The following MYO9A variants were observed in gnomAD, a reference collection of about 807,000 sequenced individuals.
MYO9A encodes myosin IXA.
A neutral mutation model predicts 293.3 loss-of-function variants in MYO9A; 103 were observed. The observed-to-expected ratio is 0.35, with a 90% confidence interval of 0.30 to 0.41. MYO9A has a LOEUF of 0.41. MYO9A is among the 10% of genes least tolerant of loss of function. The pLI, the probability that MYO9A is intolerant of heterozygous loss-of-function variation, is 1.00. For missense variants in MYO9A, 2,685 were observed against 3,033.0 expected (o/e 0.89, Z 2.69); for synonymous variants, 1,001 against 1,035.7 (o/e 0.97, Z 0.64).
intron 1 of MYO9A, among the ~76,000 whole-genome samples, chr15:72,065,380 T>C (rs1417462392): frequency 6.6e-6 from 1 of 151,850 alleles, no homozygotes; most frequent in Admixed American, 6.6e-5. Flanking sequence ...CCAGGAGTGG[T>C]GGCGCATACC....
At position 71,898,141 on chromosome 15, in the gene MYO9A, A is replaced by G. The variant is rs756992992; in HGVS notation, c.4362T>C (p.Ala1454=). Residue 1454 remains alanine, a synonymous_variant, in exon 25 of 42, where the codon GCT becomes GCC. Coordinates refer to ENST00000356056, the MANE Select transcript of MYO9A (RefSeq NM_006901.4). ...LLENEDTAGE[A]LTLDINRETR... Reference sequence around the variant, plus strand: ...TTTCCCTGTTGATATCCAAAGTAAGAGCTTCCCCCGCTGTGTCTTCATTTT... The same window carrying G: ...TTTCCCTGTTGATATCCAAAGTAAGGGCTTCCCCCGCTGTGTCTTCATTTT... 1 of 1,614,050 alleles carries G rather than the reference A, an allele frequency of 6.2e-7. No individual in the cohort carries two copies. The highest frequency in any genetic ancestry group is 1.1e-5 in the South Asian group (1 of 91,066).
rs573482734 is a variant in MYO9A, at chr15:72,039,029, A to G, written c.841-6441T>C. 8.3e-4 allele frequency among the ~76,000 whole-genome samples: 126 copies of G among 152,252 alleles called. 1 individual carries two copies. The highest frequency in any genetic ancestry group is 3.4e-3 in the Middle Eastern group (1 of 294). Reference sequence around the variant, plus strand: ...GAGTGAAATCCATATTTATCCATATAGTCTATACAGAGGTTAGATAGATAC... The same window carrying G: ...GAGTGAAATCCATATTTATCCATATGGTCTATACAGAGGTTAGATAGATAC... On this transcript the variant is annotated intron_variant, in intron 2 of 41. Transcript: ENST00000356056.
chr15:71,841,799 T>G (rs974374825), intron 39 of MYO9A, among the ~76,000 whole-genome samples: 3 of 138,468 alleles, frequency 2.2e-5, no homozygotes, highest in Non-Finnish European at 3.1e-5. Context: ...CCAGGGGTAG[T>G]TTTTTTTTTT....
At chr15:72,002,966 A>G (rs2076909834) in intron 8 of MYO9A, among the ~76,000 whole-genome samples, 1 of 152,142 alleles carries the variant, frequency 6.6e-6, no homozygotes, top group Non-Finnish European at 1.5e-5. Flanking sequence ...CTAAAGTCCA[A>G]CTCTTTGAAA....
intron 33 of MYO9A, among the ~76,000 whole-genome samples, 180 bp downstream of exon 33, chr15:71,862,320 A>G (rs2141789339): frequency 6.6e-6 from 1 of 152,310 alleles, no homozygotes; most frequent in South Asian, 2.1e-4. Flanking sequence ...CTCAGTGACC[A>G]AATAACATCA....
At chr15:71,868,287 C>A (rs973435100) in intron 32 of MYO9A, among the ~76,000 whole-genome samples, 1 of 152,260 alleles carries the variant, frequency 6.6e-6, no homozygotes, top group East Asian at 1.9e-4. Context: ...TTGCTCAACA[C>A]CCTCCTTTCT....
At chr15:71,884,795 A>C (rs1303107347) in intron 27 of MYO9A, among the ~76,000 whole-genome samples, 1 of 152,082 alleles carries the variant, frequency 6.6e-6, no homozygotes, top group Non-Finnish European at 1.5e-5. Flanking sequence ...ACTAGGTGAC[A>C]GGTACTATGC....
rs1378787023 is a variant in MYO9A at position 71,879,802 on chromosome 15, A to T, written c.5658T>A (p.Asp1886Glu). 6.2e-7 allele frequency: 1 copy of T among 1,613,586 alleles called. No homozygotes were observed. Among genetic ancestry groups the T allele is most frequent in the Non-Finnish European group, 8.5e-7 (1 of 1,179,686 alleles). Reference sequence around the variant, plus strand: ...TTTTAAATACAACATCCACTAGTGTATCCTTCTTGCTGTCTTCATTATCTA... The same window carrying T: ...TTTTAAATACAACATCCACTAGTGTTTCCTTCTTGCTGTCTTCATTATCTA... ...NDLDNEDSKK[D>E]TLVDVVFKKA... is the part of the protein sequence containing the mutation. Residue 1886 changes from aspartate to glutamate, a missense_variant, in exon 30 of 42, where the codon GAT becomes GAA. Transcript: ENST00000356056.
In MYO9A at chr15:71,824,688, A is replaced by AAGGTGGC. The variant is rs2054397554; in HGVS notation, c.*1885_*1891dup. 6.6e-6 allele frequency: 1 copy of AAGGTGGC among 152,220 alleles called. No individual in the cohort carries two copies. The highest frequency in any genetic ancestry group is 1.5e-5 in the Non-Finnish European group (1 of 68,032). The allele number at this position is 152,220 out of a possible 1,614,324, so 9.4% of individuals were successfully genotyped here. On this transcript the variant is annotated 3_prime_UTR_variant, in exon 42 of 42. Transcript: ENST00000356056. ...TATTACTCCTCAGGACAAGATGAAC[A>AAGGTGGC]AGGTGGCAGATGTCTGTGGGATATA...
chr15:71,895,218 C>G (rs893675390), intron 25 of MYO9A, among the ~76,000 whole-genome samples: 2 of 152,218 alleles, frequency 1.3e-5, no homozygotes, highest in Non-Finnish European at 2.9e-5. Flanking sequence ...CAAAATCTCT[C>G]TTGCCACAGT....
rs145598484 is a variant in MYO9A at position 71,852,141 on chromosome 15, G to A, written c.6466C>T (p.Arg2156Ter). The change falls in exon 36 of 42, where the codon CGA becomes TGA. Residue 2156 changes from arginine to a stop codon, truncating the protein, a stop_gained. Transcript: ENST00000356056. LOFTEE classifies it high-confidence loss of function. ...MTFELYEEFL[R>*]AMGLQERKET... Reference sequence around the variant, plus strand: ...GGAAGCCTATGCTTACCCATAGCTCGAAGAAATTCCTCATAGAGTTCAAAG... The same window carrying A: ...GGAAGCCTATGCTTACCCATAGCTCAAAGAAATTCCTCATAGAGTTCAAAG... The A allele has an allele frequency of 6.2e-6, 10 of 1,611,398 alleles. No individual in the cohort carries two copies. The highest frequency in any genetic ancestry group is 2.7e-5 in the African/African-American group (2 of 74,888).
intron 32 of MYO9A, among the ~76,000 whole-genome samples, chr15:71,866,485 C>T (rs982831167): frequency 6.6e-6 from 1 of 151,380 alleles, no homozygotes; most frequent in African/African-American, 2.4e-5. Context: ...GGCAACAGAC[C>T]CCATCTCTTA....
At chr15:72,103,348 C>T (rs1430381675) in intron 1 of MYO9A, among the ~76,000 whole-genome samples, 1 of 138,334 alleles carries the variant, frequency 7.2e-6, no homozygotes, top group Non-Finnish European at 1.5e-5. Context: ...GAAGCAGCAG[C>T]AAGCAGAGAC....
intron 1 of MYO9A, among the ~76,000 whole-genome samples, chr15:72,084,449 T>C (rs1008093589): frequency 6.6e-6 from 1 of 152,218 alleles, no homozygotes; most frequent in African/African-American, 2.4e-5. Context: ...TGCCTTTTAA[T>C]TGGAGCATTT....
chr15:72,025,999 G>A (rs1007275078), intron 4 of MYO9A, among the ~76,000 whole-genome samples: 2 of 151,942 alleles, frequency 1.3e-5, no homozygotes, highest in African/African-American at 4.8e-5. Flanking sequence ...CATTTCCACG[G>A]CCAGGCATGG....
At position 72,020,939 on chromosome 15, in the gene MYO9A, C is replaced by G. The variant is rs770048561; in HGVS notation, c.1077G>C (p.Glu359Asp). Residue 359 changes from glutamate (E) to aspartate (D), a missense_variant, in exon 5 of 42, where the codon GAG (glutamate) becomes GAC (aspartate). By Grantham distance (45) the Glu-to-Asp change is conservative (BLOSUM62 2). Around this residue, in one of 10 missense-constraint regions of MYO9A, gnomAD observed 289 missense variants for 456.8 expected, o/e 0.63. Coordinates refer to ENST00000356056, the MANE Select transcript of MYO9A (RefSeq NM_006901.4). ...TCACCTGATTGAGATAATGATATTC[C>G]TCTGGTTGCTTAAGATGGAATGCTG... is the stretch of plus-strand genomic sequence containing the variant. ...ERSAFHLKQP[E>D]EYHYLNQITK... is the part of the protein sequence containing the mutation. 3.9e-6 allele frequency: 6 copies of G among 1,540,530 alleles called. No homozygotes were observed. The African/African-American group carries it at 5.7e-5, about 15-fold the overall frequency.
In MYO9A at chr15:71,898,082, A is replaced by C; in HGVS notation, c.4421T>G (p.Ile1474Ser). The change falls in exon 25 of 42, where the codon ATT (isoleucine) becomes AGT (serine). Residue 1474 changes from isoleucine to serine, a missense_variant. Ile to Ser is a moderately radical substitution (Grantham distance 142). Coordinates refer to ENST00000356056, the MANE Select transcript of MYO9A (RefSeq NM_006901.4). ...AGACTCTGTATTCAAAGAAGGAACA[A>C]TCTGATCTTTTCCTGAGCAGTGATA... ...RRYHCSGKDQ[I>S]VPSLNTESSN... 6.2e-7 allele frequency: 1 copy of C among 1,614,120 alleles called. No homozygotes were observed. Among genetic ancestry groups the C allele is most frequent in the Non-Finnish European group, 8.5e-7 (1 of 1,180,036 alleles).
At chr15:71,980,195 C>G (rs555584218) in intron 11 of MYO9A, among the ~76,000 whole-genome samples, 1 of 152,116 alleles carries the variant, frequency 6.6e-6, no homozygotes, top group Non-Finnish European at 1.5e-5. Context: ...TTAAAAATAA[C>G]GTCTTATGAC....
At chr15:71,890,023 A>G (rs2057132258) in intron 26 of MYO9A, 1 of 152,170 alleles carries the variant, frequency 6.6e-6, no homozygotes, top group South Asian at 2.1e-4. Context: ...CAACCTCAAA[A>G]TCACCTAGCC....
Sources: gnomAD v4.1 joint callset for allele counts (sites outside exome capture counted in the v4.1 genomes callset) on GRCh38, gnomAD v4.1.1 for gene constraint, gnomAD v4.1.1 regional missense constraint, MANE v1.5 for transcripts, NCBI Gene and HGNC (gene_info 2026-07-23, HGNC 2026-07-21) for gene names.